Variants in PROS1 observed in about 807,000 individuals in gnomAD.
PROS1 encodes protein S.
A neutral mutation model predicts 75.9 loss-of-function variants in PROS1; 29 were observed. The observed-to-expected ratio is 0.38, with a 90% CI of 0.28 to 0.52. PROS1 has a LOEUF of 0.52. PROS1 is among the 20% of genes least tolerant of loss of function. The pLI, the probability that PROS1 is intolerant of heterozygous loss-of-function variation, is 0.83. For missense variants in PROS1, 680 were observed against 810.3 expected (o/e 0.84, Z 1.95); for synonymous variants, 245 against 280.6 (o/e 0.87, Z 1.27).
intron 1 of PROS1, among the ~76,000 whole-genome samples, chr3:93,933,725 A>G (rs1411157799): frequency 6.6e-6 from 1 of 152,224 alleles, no homozygotes; most frequent in African/African-American, 2.4e-5. Flanking sequence ...GCAGTTCGAG[A>G]CTAGCCTGGC....
intron 1 of PROS1, among the ~76,000 whole-genome samples, chr3:93,947,607 C>T (rs1319546377): frequency 6.6e-6 from 1 of 152,032 alleles, no homozygotes. Context: ...CGCTCTGTCG[C>T]TCAGGCTGGA....
intron 1 of PROS1, among the ~76,000 whole-genome samples, chr3:93,952,660 C>T (rs772706637): frequency 8.6e-5 from 13 of 151,988 alleles, no homozygotes; most frequent in Non-Finnish European, 1.8e-4. Flanking sequence ...AACAGCACAA[C>T]TAAAAGAACT....
At chr3:93,954,404 C>A (rs571333059) in intron 1 of PROS1, among the ~76,000 whole-genome samples, 28 of 152,190 alleles carry the variant, frequency 1.8e-4, no homozygotes, top group African/African-American at 4.3e-4. Flanking sequence ...CAGAACAGAA[C>A]CCTTAGAAAT....
At chr3:93,887,690 C>A (rs1023336922) in intron 10 of PROS1, among the ~76,000 whole-genome samples, 1 of 152,182 alleles carries the variant, frequency 6.6e-6, no homozygotes, top group African/African-American at 2.4e-5. Flanking sequence ...CTTAACTTAG[C>A]CTACAACACT....
At chr3:93,937,012 GT>G (rs1709193967) in intron 1 of PROS1, among the ~76,000 whole-genome samples, 1 of 152,216 alleles carries the variant, frequency 6.6e-6, no homozygotes, top group African/African-American at 2.4e-5. Context: ...ATGAGAACCT[GT>G]TGGTGAATAA....
intron 14 of PROS1, among the ~76,000 whole-genome samples, chr3:93,876,457 C>T (rs11926689): frequency 0.08 from 12,161 of 151,658 alleles, 691 homozygotes; most frequent in African/African-American, 0.16. Flanking sequence ...GGTGTGGTGG[C>T]GGGCACCTGT....
chr3:93,962,490 T>G (rs1709721942), intron 1 of PROS1, among the ~76,000 whole-genome samples: 1 of 152,182 alleles, frequency 6.6e-6, no homozygotes, highest in African/African-American at 2.4e-5. Context: ...TTCTCCCAGT[T>G]TCTCCAAACT....
At chr3:93,946,668 A>T (rs1014238905) in intron 1 of PROS1, among the ~76,000 whole-genome samples, 11 of 152,146 alleles carry the variant, frequency 7.2e-5, no homozygotes, top group African/African-American at 2.7e-4. Flanking sequence ...AGATGGATTA[A>T]AGACTTAAAT....
chr3:93,906,907 C>T (rs925107396), intron 4 of PROS1, among the ~76,000 whole-genome samples: 2 of 152,214 alleles, frequency 1.3e-5, no homozygotes, highest in Non-Finnish European at 2.9e-5. Context: ...CACCCTGTCC[C>T]CTCCAGTCTT....
chr3:93,883,056 A>G (rs1708295003), intron 12 of PROS1, among the ~76,000 whole-genome samples: 1 of 152,236 alleles, frequency 6.6e-6, no homozygotes, highest in African/African-American at 2.4e-5. Flanking sequence ...GATGAGAGTC[A>G]GGGAAGAGGA....
chr3:93,967,338 G>C (rs1020917572), intron 1 of PROS1, among the ~76,000 whole-genome samples: 2 of 152,140 alleles, frequency 1.3e-5, no homozygotes, highest in African/African-American at 4.8e-5. Context: ...ACAACTATTG[G>C]TAGACTTATT....
chr3:93,883,129 A>T (rs1367409696), intron 12 of PROS1, among the ~76,000 whole-genome samples: 3 of 152,178 alleles, frequency 2.0e-5, no homozygotes, highest in Non-Finnish European at 4.4e-5. Context: ...CTGAATTTGT[A>T]CGACAACAAC....
chr3:93,955,325 A>G (rs1709581690), intron 1 of PROS1, among the ~76,000 whole-genome samples: 1 of 152,170 alleles, frequency 6.6e-6, no homozygotes, highest in African/African-American at 2.4e-5. Context: ...TGGAACCAAC[A>G]CAAATGCCCA....
At chr3:93,952,681 G>A (rs1479540842) in intron 1 of PROS1, among the ~76,000 whole-genome samples, 1 of 152,094 alleles carries the variant, frequency 6.6e-6, no homozygotes, top group Non-Finnish European at 1.5e-5. Context: ...AGAAAAGCAA[G>A]AGCAAACACA....
intron 1 of PROS1, among the ~76,000 whole-genome samples, chr3:93,929,076 A>C (rs551551372): frequency 7.4e-4 from 113 of 152,366 alleles, no homozygotes; most frequent in African/African-American, 2.7e-3. Flanking sequence ...AACAACTCTG[A>C]TTCTAAGTAT....
chr3:93,874,339 C>T lies in PROS1; in HGVS notation c.1937G>A (p.Gly646Asp), dbSNP rs555902969. 1.2e-5 allele frequency: 20 copies of T among 1,613,432 alleles called. No individual in the cohort carries two copies. The East Asian group carries it at 4.0e-4, about 32-fold the overall frequency. Reference protein sequence around the residue: ...YNGCMEVNINGVQLDLDEAIS... With the variant: ...YNGCMEVNINDVQLDLDEAIS... Reference sequence around the variant, plus strand: ...GGCTTCATCCAGATCCAACTGTACACCATTAATATTCACTTCCATGCAGCC... The same window carrying T: ...GGCTTCATCCAGATCCAACTGTACATCATTAATATTCACTTCCATGCAGCC... Residue 646 changes from glycine (G) to aspartate (D), a missense_variant, in exon 15 of 15, where the codon GGT (glycine) becomes GAT (aspartate). By Grantham distance (94) the Gly-to-Asp change is moderately conservative (BLOSUM62 -1). Coordinates refer to ENST00000394236, the MANE Select transcript of PROS1 (RefSeq NM_000313.4).
chr3:93,914,829 C>T (rs1708815988), intron 3 of PROS1, among the ~76,000 whole-genome samples: 1 of 152,196 alleles, frequency 6.6e-6, no homozygotes. Flanking sequence ...ACCCCACCTC[C>T]ACCAGTTCTC....
chr3:93,878,470 C>A (rs182211854), intron 13 of PROS1, among the ~76,000 whole-genome samples: 125 of 152,310 alleles, frequency 8.2e-4, no homozygotes, highest in African/African-American at 2.8e-3. Context: ...TCCAAGTCAG[C>A]CTTGGCATAA....
chr3:93,970,548 GCC>G (rs1709863438), intron 1 of PROS1, among the ~76,000 whole-genome samples: 1 of 151,544 alleles, frequency 6.6e-6, no homozygotes, highest in South Asian at 2.1e-4. Context: ...CCACTATGCT[GCC>G]CAGGCTGGTC....
Sources: gnomAD v4.1 joint callset for allele counts (sites outside exome capture counted in the v4.1 genomes callset) on GRCh38, gnomAD v4.1.1 for gene constraint, MANE v1.5 for transcripts, NCBI Gene and HGNC (gene_info 2026-07-23, HGNC 2026-07-21) for gene names.